Variants in TAFA5 observed in about 807,000 individuals in gnomAD.
TAFA5 encodes the protein chemokine-like protein TAFA-5.
A neutral mutation model predicts 15.3 loss-of-function variants in TAFA5; 6 were observed. The observed-to-expected ratio is 0.39, with a 90% confidence interval of 0.21 to 0.77. TAFA5 has a LOEUF of 0.77. TAFA5 is among the 30% of genes least tolerant of loss of function. The pLI is 0.41. For missense variants in TAFA5, 161 were observed against 193.1 expected (o/e 0.83, Z 0.98); for synonymous variants, 103 against 80.7 (o/e 1.28, Z -1.48).
At chr22:48,544,144 C>T (rs1188116402) in intron 1 of TAFA5, 2 of 162,718 alleles carry the variant, frequency 1.2e-5, no homozygotes, top group Non-Finnish European at 2.7e-5. Context: ...GTCATGGTGT[C>T]TGGGGTGTGC....
At chr22:48,528,076 G>A (rs763420736) in intron 1 of TAFA5, among the ~76,000 whole-genome samples, 7 of 152,206 alleles carry the variant, frequency 4.6e-5, no homozygotes, top group Non-Finnish European at 1.0e-4. Context: ...TGGGCCCCCC[G>A]GGGCCCCCCG....
chr22:48,747,306 C>T (rs1930356712), intron 3 of TAFA5, among the ~76,000 whole-genome samples: 1 of 152,192 alleles, frequency 6.6e-6, no homozygotes, highest in African/African-American at 2.4e-5. Flanking sequence ...CCAACCACAG[C>T]CGCTCCAGCC....
Position 48,742,247 on chromosome 22 carries a change from C to T in TAFA5, c.391-7592C>T, listed in dbSNP as rs1167759934. Among the ~76,000 whole-genome samples the T allele has an allele frequency of 1.3e-5, 2 of 151,914 alleles. No individual in the cohort carries two copies. Among genetic ancestry groups the T allele is most frequent in the Non-Finnish European group, 2.9e-5 (2 of 67,976 alleles). On this transcript the variant is annotated intron_variant, in intron 3 of 3. Transcript: ENST00000402357. This position sits in a 1 kb window ranked among gnomAD's most constrained non-coding sequence, Gnocchi z 6.2. ...CAGCCCTGCCCCACCCCACAGGCCC[C>T]TCATCCTTCACCAGGCACAGGTGCA...
chr22:48,621,717 C>G (rs1007397984), intron 1 of TAFA5, among the ~76,000 whole-genome samples: 6 of 152,192 alleles, frequency 3.9e-5, no homozygotes, highest in African/African-American at 1.4e-4. Flanking sequence ...GGGAGCAAGG[C>G]AGGGTGTGAC....
chr22:48,745,468 T>A (rs1372508953), intron 3 of TAFA5, among the ~76,000 whole-genome samples: 1 of 150,288 alleles, frequency 6.7e-6, no homozygotes, highest in Non-Finnish European at 1.5e-5. Flanking sequence ...CACACACGGC[T>A]TTGTCGTTGG....
chr22:48,620,121 G>C (rs1208706076), intron 1 of TAFA5, among the ~76,000 whole-genome samples: 2 of 152,106 alleles, frequency 1.3e-5, no homozygotes, highest in South Asian at 2.1e-4. Flanking sequence ...ACCGTCCCCA[G>C]TCCACACCCT....
intron 2 of TAFA5, among the ~76,000 whole-genome samples, chr22:48,659,254 G>A (rs1927351626): frequency 6.6e-6 from 1 of 152,252 alleles, no homozygotes; most frequent in African/African-American, 2.4e-5. Flanking sequence ...TTGAGCAAGT[G>A]GAGAATTTTG....
At chr22:48,616,326 G>T (rs1044780814) in intron 1 of TAFA5, among the ~76,000 whole-genome samples, 1 of 152,210 alleles carries the variant, frequency 6.6e-6, no homozygotes, top group Non-Finnish European at 1.5e-5. Flanking sequence ...GCATTTTCTG[G>T]TCGAGGCCTG....
chr22:48,689,459 G>A (rs925240065), intron 2 of TAFA5, among the ~76,000 whole-genome samples: 1 of 152,174 alleles, frequency 6.6e-6, no homozygotes, highest in African/African-American at 2.4e-5. Flanking sequence ...TGTACCCTCA[G>A]ACCCAGGGCC....
intron 2 of TAFA5, among the ~76,000 whole-genome samples, chr22:48,669,200 A>T (rs1429030723): frequency 6.6e-6 from 1 of 152,076 alleles, no homozygotes; most frequent in African/African-American, 2.4e-5. Flanking sequence ...AGAGAAACCC[A>T]TTGTGTCTAA....
intron 1 of TAFA5, among the ~76,000 whole-genome samples, chr22:48,594,604 C>A (rs1030514531): frequency 3.9e-4 from 59 of 152,212 alleles, no homozygotes; most frequent in African/African-American, 1.4e-3. Context: ...CTCATGCTCC[C>A]GTCGGCTGCC....
chr22:48,582,521 CACCACACACAAAATACACCACAT>C (rs1601593769), intron 1 of TAFA5, among the ~76,000 whole-genome samples: 2 of 150,376 alleles, frequency 1.3e-5, no homozygotes, highest in East Asian at 2.0e-4. Context: ...ACACAAAATA[CACCACACACAAAATACACCACAT>C]ACCACACACA....
At chr22:48,633,529 TCTGTCTCTCC>T (rs1926318061) in intron 1 of TAFA5, among the ~76,000 whole-genome samples, 3 of 102,968 alleles carry the variant, frequency 2.9e-5, no homozygotes, top group Admixed American at 2.0e-4. Flanking sequence ...TGTCTGTCTG[TCTGTCTCTCC>T]CTCTCTCTCT....
intron 1 of TAFA5, among the ~76,000 whole-genome samples, chr22:48,496,755 G>C (rs1928340675): frequency 6.6e-6 from 1 of 152,202 alleles, no homozygotes; most frequent in Non-Finnish European, 1.5e-5. Flanking sequence ...GGGTGGTCCA[G>C]CCATCAGGGG....
intron 1 of TAFA5, among the ~76,000 whole-genome samples, chr22:48,503,317 T>A (rs187931309): frequency 9.3e-4 from 141 of 152,356 alleles, no homozygotes; most frequent in African/African-American, 3.2e-3. Flanking sequence ...GCCAGGTGCA[T>A]GGGAAGCCAC....
chr22:48,597,332 T>C (rs1924802665), intron 1 of TAFA5, among the ~76,000 whole-genome samples: 1 of 142,896 alleles, frequency 7.0e-6, no homozygotes, highest in Non-Finnish European at 1.5e-5. Flanking sequence ...ATATGCAGAG[T>C]GTCCTGGGAG....
chr22:48,584,095 T>TCA lies in TAFA5; in HGVS notation c.113-62490_113-62489dup, dbSNP rs749337007. Among the ~76,000 whole-genome samples the TCA allele has an allele frequency of 1.0e-3, 115 of 113,602 alleles. 2 individuals carry two copies. The East Asian group carries it at 0.026, about 26-fold the overall frequency. 74.5% of individuals were successfully genotyped at this position (113,602 alleles called of 152,430 possible). ...CACCACACACCACTCACAAAATATA[T>TCA]CACACACACACACCACACACACACA... On this transcript the variant is annotated intron_variant, in intron 1 of 3. Transcript: ENST00000402357.
chr22:48,531,494 CACAG>C (rs1921971070), intron 1 of TAFA5, among the ~76,000 whole-genome samples: 1 of 152,218 alleles, frequency 6.6e-6, no homozygotes, highest in African/African-American at 2.4e-5. Flanking sequence ...TCCCTGAGGC[CACAG>C]TGGGTCTTCC....
At chr22:48,606,719 C>T (rs1057277228) in intron 1 of TAFA5, among the ~76,000 whole-genome samples, 2 of 152,192 alleles carry the variant, frequency 1.3e-5, no homozygotes, top group Non-Finnish European at 2.9e-5. Flanking sequence ...GCGATCGCTG[C>T]TTAGGAGTGC....
Sources: gnomAD v4.1 joint callset for allele counts (sites outside exome capture counted in the v4.1 genomes callset) on GRCh38, gnomAD v4.1.1 for gene constraint, Gnocchi (gnomAD v3.1) non-coding constraint, MANE v1.5 for transcripts, NCBI Gene and HGNC (gene_info 2026-07-23, HGNC 2026-07-21) for gene names.